CEP57: variants seen among roughly 807,000 people sequenced by gnomAD.
CEP57 encodes centrosomal protein 57, also known as centrosomal protein of 57 kDa.
In CEP57, 40 loss-of-function variants were observed where a neutral mutation model predicts 68.0. The ratio of observed to expected loss-of-function variants is 0.59; its 90% CI spans 0.46 to 0.77. The LOEUF (loss-of-function observed/expected upper bound fraction) is 0.77, where lower values mean the gene tolerates loss of function less well. Ranked by LOEUF, CEP57 falls within the 30% of genes least tolerant of loss-of-function variation. The pLI is 0.00. For synonymous variants in CEP57, 219 were observed against 198.7 expected (o/e 1.10, Z -0.86); for missense variants, 606 against 580.7 (o/e 1.04, Z -0.45).
chr11:95,830,393 C>G (rs1862950459), intron 10 of CEP57, among the ~76,000 whole-genome samples: 1 of 152,088 alleles, frequency 6.6e-6, no homozygotes, highest in African/African-American at 2.4e-5. Flanking sequence ...GAGTAATGGT[C>G]TAATTTGTTG....
chr11:95,800,875 C>T (rs1861547993), intron 2 of CEP57, among the ~76,000 whole-genome samples: 1 of 152,170 alleles, frequency 6.6e-6, no homozygotes, highest in South Asian at 2.1e-4. Context: ...ATACACCTAC[C>T]TCATACTTTG....
At chr11:95,813,151 T>A (rs1862143773) in intron 3 of CEP57, 40 bp downstream of exon 3, 1 of 1,573,060 alleles carries the variant, frequency 6.4e-7, no homozygotes, top group Non-Finnish European at 8.7e-7. Context: ...TCAAAATAAG[T>A]GTTGTGCAGT....
At chr11:95,814,077 C>A (rs370132631) in intron 4 of CEP57, among the ~76,000 whole-genome samples, 42,322 of 152,062 alleles carry the variant, frequency 0.28, 7,060 homozygotes, top group Non-Finnish European at 0.38. Context: ...GGATCTCACT[C>A]TGTCTCACTC....
rs768991658 is a variant in CEP57, at chr11:95,829,343, T to G, written c.1272+12T>G. 43 of 1,613,068 alleles carry G rather than the reference T, an allele frequency of 2.7e-5. No homozygotes were observed. Among genetic ancestry groups the G allele is most frequent in the Non-Finnish European group, 3.6e-5 (42 of 1,179,538 alleles). ...AATACCAAGCCCAGGTAACTCAGTT[T>G]TCCTTCACTCAAGTTTCTAATGATT... On this transcript the variant is annotated intron_variant, in intron 10 of 10. Coordinates refer to ENST00000325542, the MANE Select transcript of CEP57 (RefSeq NM_014679.5).
chr11:95,800,598 G>T (rs923550315), intron 2 of CEP57, among the ~76,000 whole-genome samples: 1 of 151,980 alleles, frequency 6.6e-6, no homozygotes, highest in Admixed American at 6.6e-5. Flanking sequence ...CACCATGTTG[G>T]CCCAGATGGT....
At chr11:95,795,193 C>G (rs886231862) in intron 1 of CEP57, among the ~76,000 whole-genome samples, 27 of 152,100 alleles carry the variant, frequency 1.8e-4, no homozygotes, top group Admixed American at 1.8e-3. Context: ...GTAACTGATA[C>G]GTTTAGGATA....
At chr11:95,818,078 T>C in intron 5 of CEP57, 175 bp downstream of exon 5, 1 of 593,296 alleles carries the variant, frequency 1.7e-6, no homozygotes, top group Non-Finnish European at 3.0e-6. Flanking sequence ...TTTTACAATC[T>C]TGGTGGGCAT....
Position 95,822,558 on chromosome 11 carries a change from G to A in CEP57, c.867G>A (p.Met289Ile). ...QPHYRLCLGD[M>I]PFVAGKSTSP... ...ATTATAGATTATGCTTGGGTGATAT[G>A]CCATTTGTAGCTGGGAAGGTGAGTT... Residue 289 changes from methionine to isoleucine, a missense_variant, in exon 8 of 11, where the codon ATG becomes ATA. By Grantham distance (10) the Met-to-Ile change is conservative. Coordinates refer to ENST00000325542, the MANE Select transcript of CEP57 (RefSeq NM_014679.5). 1 of 1,613,662 alleles carries A rather than the reference G, an allele frequency of 6.2e-7. No homozygotes were observed. Among genetic ancestry groups the A allele is most frequent in the Non-Finnish European group, 8.5e-7 (1 of 1,179,618 alleles).
At chr11:95,808,928 T>C (rs1336264063) in intron 2 of CEP57, among the ~76,000 whole-genome samples, 1 of 152,158 alleles carries the variant, frequency 6.6e-6, no homozygotes, top group African/African-American at 2.4e-5. Flanking sequence ...ATCACACTTA[T>C]TCCAAAACTG....
intron 2 of CEP57, among the ~76,000 whole-genome samples, chr11:95,812,033 T>A (rs990336168): frequency 2.0e-5 from 3 of 152,182 alleles, no homozygotes; most frequent in Non-Finnish European, 1.5e-5. Context: ...AATAGGATTA[T>A]TGGTTATTTT....
chr11:95,830,804 G>GTT (rs1862966320), intron 10 of CEP57, among the ~76,000 whole-genome samples: 1 of 150,938 alleles, frequency 6.6e-6, no homozygotes, highest in Non-Finnish European at 1.5e-5. Context: ...TTTGTGTATT[G>GTT]TTTTATATAT....
At chr11:95,809,228 T>C (rs2135301852) in intron 2 of CEP57, among the ~76,000 whole-genome samples, 1 of 152,108 alleles carries the variant, frequency 6.6e-6, no homozygotes, top group South Asian at 2.1e-4. Context: ...TTTATAGCAC[T>C]AAATGCCCAC....
intron 2 of CEP57, among the ~76,000 whole-genome samples, chr11:95,812,346 A>G (rs769784192): frequency 8.5e-5 from 13 of 152,146 alleles, no homozygotes; most frequent in Non-Finnish European, 2.9e-5. Flanking sequence ...ACCACTTTAT[A>G]AAAGTCTTTG....
Position 95,828,038 on chromosome 11 carries a change from GT to G in CEP57, c.1127+22del, listed in dbSNP as rs551051375. The G allele has an allele frequency of 2.5e-3, 3,082 of 1,210,586 alleles. 1 individual carries two copies. The highest frequency in any genetic ancestry group is 4.7e-3 in the Admixed American group (217 of 46,516). The allele number at this position is 1,210,586 out of a possible 1,614,324, so 75.0% of individuals were successfully genotyped here. A position where few individuals can be genotyped will look rare whatever the true frequency, so the allele number is the denominator to read the frequency against. ...TGGGCAAATGAGCTTGTGAGTTTTT[GT>G]TTTTTTTTTTAAATTCAGTTTAGCT... On this transcript the variant is annotated intron_variant, in intron 9 of 10. Transcript: ENST00000325542.
chr11:95,795,727 G>T (rs12271427), intron 1 of CEP57, among the ~76,000 whole-genome samples: 12,541 of 152,112 alleles, frequency 0.082, 888 homozygotes, highest in African/African-American at 0.18. Context: ...TTCTACATTT[G>T]TTGACGATCG....
At chr11:95,830,946 C>A (rs1590962112) in intron 10 of CEP57, 80 bp from the exon 11 acceptor site, 1 of 1,068,184 alleles carries the variant, frequency 9.4e-7, no homozygotes, top group East Asian at 2.4e-5. Flanking sequence ...AAAAAAGGTA[C>A]TCTTGTACTT....
rs1181656546 is a variant in CEP57, at chr11:95,813,497, A to T, written c.412A>T (p.Asn138Tyr). The T allele has an allele frequency of 1.2e-6, 2 of 1,612,708 alleles. No homozygotes were observed. Among genetic ancestry groups the T allele is most frequent in the Non-Finnish European group, 1.7e-6 (2 of 1,179,904 alleles). The change falls in exon 4 of 11, where the codon AAT (asparagine) becomes TAT (tyrosine). Residue 138 changes from asparagine to tyrosine, a missense_variant. By Grantham distance (143) the Asn-to-Tyr change is moderately radical. Transcript: ENST00000325542. Reference sequence around the variant, plus strand: ...GACATCTCAGTTGTTAGCTGCAGAAAATAAATGCAATCTATTAGAAAAACA... The same window carrying T: ...GACATCTCAGTTGTTAGCTGCAGAATATAAATGCAATCTATTAGAAAAACA... ...ELTSQLLAAE[N>Y]KCNLLEKQLE...
At chr11:95,819,584 G>C (rs143340055) in intron 6 of CEP57, among the ~76,000 whole-genome samples, 1 of 152,284 alleles carries the variant, frequency 6.6e-6, no homozygotes, top group Non-Finnish European at 1.5e-5. Context: ...CTCGTTATGA[G>C]CGTATTTGCT....
intron 1 of CEP57, 27 bp downstream of exon 1, chr11:95,790,770 C>G (rs1481203278): frequency 1.9e-6 from 3 of 1,613,046 alleles, no homozygotes; most frequent in Middle Eastern, 1.7e-4. Context: ...GCGAGTGGGC[C>G]CCACGTCGGC....
Sources: allele counts gnomAD v4.1 joint callset (sites outside exome capture counted in the v4.1 genomes callset), GRCh38; gene constraint gnomAD v4.1.1; transcripts MANE v1.5; gene names NCBI Gene and HGNC (gene_info 2026-07-23, HGNC 2026-07-21).